ZMYND8: variants seen among roughly 807,000 people sequenced by gnomAD.
ZMYND8 encodes MYND-type zinc finger-containing chromatin reader ZMYND8.
A neutral mutation model predicts 140.8 loss-of-function variants in ZMYND8; 37 were observed. That is an observed-to-expected ratio of 0.26 (90% CI 0.20 to 0.35). ZMYND8 has a LOEUF of 0.35. Ranked by LOEUF, ZMYND8 falls within the 10% of genes least tolerant of loss-of-function variation. The pLI is 1.00. For synonymous variants in ZMYND8, 592 were observed against 597.1 expected (o/e 0.99, Z 0.12); for missense variants, 1,068 against 1,570.0 (o/e 0.68, Z 5.40).
At chr20:47,213,119 T>C (rs2035524412) in intron 21 of ZMYND8, among the ~76,000 whole-genome samples, 1 of 151,962 alleles carries the variant, frequency 6.6e-6, no homozygotes, top group African/African-American at 2.4e-5. Flanking sequence ...CCAGACAATT[T>C]AAGGCAATAA....
intron 2 of ZMYND8, among the ~76,000 whole-genome samples, chr20:47,331,093 C>A (rs971781029): frequency 6.6e-6 from 1 of 151,974 alleles, no homozygotes; most frequent in Non-Finnish European, 1.5e-5. Context: ...GAACGGAACA[C>A]GGAGAGAATG....
intron 12 of ZMYND8, among the ~76,000 whole-genome samples, chr20:47,258,679 T>G (rs569290597): frequency 2.0e-5 from 3 of 152,248 alleles, no homozygotes; most frequent in African/African-American, 7.2e-5. Context: ...TTATCCAGGG[T>G]GCTCCCTTTC....
Position 47,276,649 on chromosome 20 carries a change from T to A in ZMYND8, c.1145A>T (p.Tyr382Phe). 6.2e-7 allele frequency: 1 copy of A among 1,613,518 alleles called. No individual in the cohort carries two copies. The highest frequency in any genetic ancestry group is 8.5e-7 in the Non-Finnish European group (1 of 1,179,920). The change falls in exon 11 of 23, where the codon TAC becomes TTC. Residue 382 changes from tyrosine to phenylalanine, a missense_variant. By Grantham distance (22) the Tyr-to-Phe change is conservative. This residue lies in a region of ZMYND8 where 49 missense variants were observed against 94.1 expected (regional missense o/e 0.52). Transcript: ENST00000471951. ...NIRRKFGVFN[Y>F]SPFRTPYTPN... is the part of the protein sequence containing the mutation. ...TGTGTAGGGTGTCCTAAATGGAGAG[T>A]AATTAAAAACCCCAAACTTCCTGCG...
intron 2 of ZMYND8, among the ~76,000 whole-genome samples, chr20:47,310,786 GAA>G (rs1169707543): frequency 5.7e-4 from 44 of 76,822 alleles, no homozygotes; most frequent in African/African-American, 1.3e-3. Flanking sequence ...CCTCCGACGT[GAA>G]AAAAAAAAAA....
intron 2 of ZMYND8, among the ~76,000 whole-genome samples, chr20:47,329,694 A>G (rs1422107349): frequency 6.6e-6 from 1 of 152,124 alleles, no homozygotes; most frequent in African/African-American, 2.4e-5. Context: ...GTGAGCCACC[A>G]CGCCTGGCTT....
Position 47,236,260 on chromosome 20 carries a change from G to A in ZMYND8, c.2856+66C>T, listed in dbSNP as rs185272590. Reference sequence around the variant, plus strand: ...TTAAGACGCTCACGCTTCCCCTCGGGAGACCAAGATTCTGGCATCCTGCCA... The same window carrying A: ...TTAAGACGCTCACGCTTCCCCTCGGAAGACCAAGATTCTGGCATCCTGCCA... On this transcript the variant is annotated intron_variant, in intron 16 of 22. Coordinates refer to ENST00000471951, the MANE Select transcript of ZMYND8 (RefSeq NM_001281775.3). The A allele has an allele frequency of 5.2e-4, 827 of 1,602,238 alleles. 1 individual carries two copies. Among genetic ancestry groups the A allele is most frequent in the Non-Finnish European group, 6.1e-4 (720 of 1,171,454 alleles).
At chr20:47,341,616 A>G (rs906683605) in intron 2 of ZMYND8, among the ~76,000 whole-genome samples, 5 of 152,052 alleles carry the variant, frequency 3.3e-5, no homozygotes, top group African/African-American at 1.2e-4. Flanking sequence ...CATGCCTACA[A>G]TCCCAGCACT....
At chr20:47,352,272 G>C (rs886075604) in intron 1 of ZMYND8, among the ~76,000 whole-genome samples, 1 of 152,156 alleles carries the variant, frequency 6.6e-6, no homozygotes, top group Non-Finnish European at 1.5e-5. Flanking sequence ...AGGACAGCAG[G>C]CATCTGAAAA....
At chr20:47,252,631 C>T (rs1289444517) in intron 12 of ZMYND8, among the ~76,000 whole-genome samples, 1 of 152,148 alleles carries the variant, frequency 6.6e-6, no homozygotes, top group Non-Finnish European at 1.5e-5. Flanking sequence ...TTTGTAAAAG[C>T]CTGGAGAGGA....
intron 2 of ZMYND8, among the ~76,000 whole-genome samples, chr20:47,342,531 G>C (rs550364350): frequency 1.4e-5 from 2 of 147,016 alleles, no homozygotes; most frequent in East Asian, 2.0e-4. Flanking sequence ...CTGGGAGACA[G>C]AGCGAGATTC....
At chr20:47,268,582 T>C (rs896501817) in intron 11 of ZMYND8, among the ~76,000 whole-genome samples, 7 of 150,654 alleles carry the variant, frequency 4.6e-5, no homozygotes, top group Non-Finnish European at 8.9e-5. Context: ...TGTGAGCCAC[T>C]GTGCCCGGCC....
In ZMYND8 at chr20:47,309,731, C is replaced by T. The variant is rs181319966; in HGVS notation, c.234+325G>A. 4.7e-4 allele frequency among the ~76,000 whole-genome samples: 72 copies of T among 152,046 alleles called. 1 individual carries two copies. The highest frequency in any genetic ancestry group is 1.6e-3 in the African/African-American group (68 of 41,438). ...GGGCATGGCCCAGGAGGGGAAAACTCCTCAGGCCACATGGGGAAAACAGTC... is the reference window on the plus strand; with the variant it reads ...GGGCATGGCCCAGGAGGGGAAAACTTCTCAGGCCACATGGGGAAAACAGTC... On this transcript the variant is annotated intron_variant, in intron 3 of 22. Transcript: ENST00000471951.
At chr20:47,246,780 C>T (rs915004229) in intron 13 of ZMYND8, among the ~76,000 whole-genome samples, 3 of 152,142 alleles carry the variant, frequency 2.0e-5, no homozygotes, top group Admixed American at 6.5e-5. Flanking sequence ...TGGCACTAAA[C>T]ATGTGGTGCC....
chr20:47,218,625 T>C (rs2036469183), intron 21 of ZMYND8, among the ~76,000 whole-genome samples: 1 of 152,178 alleles, frequency 6.6e-6, no homozygotes, highest in Admixed American at 6.5e-5. Context: ...TCAGTCTTTG[T>C]TAAAAAGAGA....
chr20:47,227,297 T>C lies in ZMYND8; in HGVS notation c.2938-16A>G. 1 of 1,613,650 alleles carries C rather than the reference T, an allele frequency of 6.2e-7. No homozygotes were observed. The highest frequency in any genetic ancestry group is 8.5e-7 in the Non-Finnish European group (1 of 1,179,792). ...GCCTGCGAATCTGGAAGAGGGAGAG[T>C]GAGCGTCTTCAAAAGCTGTCTCATG... is the stretch of plus-strand genomic sequence containing the variant. On this transcript the variant is annotated splice_polypyrimidine_tract_variant and intron_variant, in intron 17 of 22. Coordinates refer to ENST00000471951, the MANE Select transcript of ZMYND8 (RefSeq NM_001281775.3).
chr20:47,331,715 G>C (rs1173847357), intron 2 of ZMYND8, among the ~76,000 whole-genome samples: 1 of 152,152 alleles, frequency 6.6e-6, no homozygotes, highest in African/African-American at 2.4e-5. Context: ...GAAGGCAAAG[G>C]AAGAGAGAGT....
chr20:47,322,445 T>A lies in ZMYND8; in HGVS notation c.86-12241A>T, dbSNP rs570910137. The stretch of plus-strand genomic sequence containing the variant: ...GAGGTTGGGATGGCATTTCTTTTTT[T>A]TTTTTTTTTTTTTCAGCACAGAATC... On this transcript the variant is annotated intron_variant, in intron 2 of 22. Coordinates refer to ENST00000471951, the MANE Select transcript of ZMYND8 (RefSeq NM_001281775.3). 4.9e-3 allele frequency among the ~76,000 whole-genome samples: 731 copies of A among 150,612 alleles called. 8 individuals are homozygous for A. The highest frequency in any genetic ancestry group is 0.017 in the African/African-American group (702 of 40,956).
intron 2 of ZMYND8, among the ~76,000 whole-genome samples, chr20:47,331,972 G>T (rs1428598838): frequency 6.6e-6 from 1 of 152,246 alleles, no homozygotes; most frequent in African/African-American, 2.4e-5. Context: ...GGAAGGCTGA[G>T]GCAGGCAGAT....
chr20:47,341,357 T>A (rs113039244), intron 2 of ZMYND8, among the ~76,000 whole-genome samples: 6,287 of 150,678 alleles, frequency 0.042, 462 homozygotes, highest in African/African-American at 0.14. Context: ...CAAAACCCCA[T>A]CTCTACTAAA....
Sources: gnomAD v4.1 joint callset for allele counts (sites outside exome capture counted in the v4.1 genomes callset) on GRCh38, gnomAD v4.1.1 for gene constraint, gnomAD v4.1.1 regional missense constraint, MANE v1.5 for transcripts, NCBI Gene and HGNC (gene_info 2026-07-23, HGNC 2026-07-21) for gene names.